TBL1XR1: variants seen among roughly 807,000 people sequenced by gnomAD.
TBL1XR1 encodes TBL1X/Y related 1, also known as F-box-like/WD repeat-containing protein TBL1XR1.
Under a neutral mutation model 66.9 loss-of-function variants are expected in TBL1XR1, and 5 were observed. The ratio of observed to expected loss-of-function variants is 0.07; its 90% CI spans 0.04 to 0.16. The LOEUF (loss-of-function observed/expected upper bound fraction) is 0.16, where lower values mean the gene tolerates loss of function less well. Among genes scored for constraint, TBL1XR1 ranks in the 10% least tolerant of loss-of-function variants. TBL1XR1 has a pLI of 1.00. For missense variants in TBL1XR1, 238 were observed against 623.2 expected (o/e 0.38, Z 6.58); for synonymous variants, 210 against 206.0 (o/e 1.02, Z -0.17).
At chr3:177,147,879 TG>T (rs1258138372) in intron 1 of TBL1XR1, among the ~76,000 whole-genome samples, 1 of 152,232 alleles carries the variant, frequency 6.6e-6, no homozygotes, top group Non-Finnish European at 1.5e-5. Context: ...TTGAATAATG[TG>T]ATCTACTATA....
intron 1 of TBL1XR1, among the ~76,000 whole-genome samples, chr3:177,149,490 G>A (rs1730634522): frequency 6.6e-6 from 1 of 152,038 alleles, no homozygotes. Context: ...GGTTTAAAAT[G>A]GCTAATTTAC....
At chr3:177,160,420 G>C (rs1157968290) in intron 1 of TBL1XR1, among the ~76,000 whole-genome samples, 1 of 150,912 alleles carries the variant, frequency 6.6e-6, no homozygotes, top group Non-Finnish European at 1.5e-5. Context: ...CTTGCAGTGA[G>C]CCAAGATTGC....
At position 177,174,101 on chromosome 3, in the gene TBL1XR1, T is replaced by C. The variant is rs186073895; in HGVS notation, c.-122+23020A>G. ...ATTCTCAAATAAGCATCTAATTTATTTATCCCTTGGTTAAGGTTATTATGA... is the reference window on the plus strand; with the variant it reads ...ATTCTCAAATAAGCATCTAATTTATCTATCCCTTGGTTAAGGTTATTATGA... On this transcript the variant is annotated intron_variant, in intron 1 of 15. Transcript: ENST00000457928. Among the ~76,000 whole-genome samples, 49 of 152,266 alleles carry C rather than the reference T, an allele frequency of 3.2e-4. 1 individual carries two copies. Among genetic ancestry groups the C allele is most frequent in the Admixed American group, 2.6e-3 (40 of 15,294 alleles).
intron 2 of TBL1XR1, among the ~76,000 whole-genome samples, chr3:177,075,625 A>T (rs996172129): frequency 1.3e-5 from 2 of 152,158 alleles, no homozygotes; most frequent in African/African-American, 4.8e-5. Context: ...ATGTTTCCCA[A>T]TCTAAATAGA....
intron 1 of TBL1XR1, among the ~76,000 whole-genome samples, chr3:177,166,938 C>T (rs1326520148): frequency 6.6e-6 from 1 of 152,198 alleles, no homozygotes; most frequent in African/African-American, 2.4e-5. Flanking sequence ...GACAGTTTAA[C>T]ACTTTCTTAC....
chr3:177,177,178 T>C (rs1734257333), intron 1 of TBL1XR1, among the ~76,000 whole-genome samples: 2 of 152,112 alleles, frequency 1.3e-5, no homozygotes, highest in African/African-American at 2.4e-5. Flanking sequence ...GTTTCTATCA[T>C]ATAACTAAAG....
intron 2 of TBL1XR1, among the ~76,000 whole-genome samples, chr3:177,074,857 T>C (rs530058980): frequency 3.9e-5 from 6 of 152,340 alleles, no homozygotes; most frequent in Admixed American, 2.0e-4. Flanking sequence ...ACTTGAGTAA[T>C]ATTAAGTACC....
intron 1 of TBL1XR1, among the ~76,000 whole-genome samples, chr3:177,113,667 T>C (rs1725933479): frequency 6.6e-6 from 1 of 151,986 alleles, no homozygotes; most frequent in Admixed American, 6.6e-5. Flanking sequence ...CCCATCTCTA[T>C]AAACAATTTA....
In TBL1XR1 at chr3:177,038,355, T is replaced by C; in HGVS notation, c.1005A>G (p.Lys335=). ...TTTTAATAGGTCTGTCTTGTCCTAA[T>C]TTACAGACATGAATGCACATATCTG... The part of the protein sequence containing the change: ...CSTDMCIHVC[K]LGQDRPIKTF... The change falls in exon 11 of 16, where the codon AAA becomes AAG. Residue 335 remains lysine (K), a synonymous_variant. Coordinates refer to ENST00000457928, the MANE Select transcript of TBL1XR1 (RefSeq NM_024665.7). The C allele has an allele frequency of 1.3e-6, 2 of 1,591,740 alleles. No individual in the cohort carries two copies. Among genetic ancestry groups the C allele is most frequent in the Non-Finnish European group, 1.7e-6 (2 of 1,167,488 alleles).
intron 1 of TBL1XR1, among the ~76,000 whole-genome samples, chr3:177,130,989 C>T (rs1728225185): frequency 6.6e-6 from 1 of 152,138 alleles, no homozygotes; most frequent in Admixed American, 6.5e-5. Flanking sequence ...TAGCAAGACC[C>T]TGTCTCTAAA....
At chr3:177,095,003 G>T (rs1030425151) in intron 2 of TBL1XR1, among the ~76,000 whole-genome samples, 2 of 150,290 alleles carry the variant, frequency 1.3e-5, no homozygotes, top group Non-Finnish European at 3.0e-5. Context: ...AAGAAAATGC[G>T]TTATATACAT....
chr3:177,047,904 T>C (rs1159949404), intron 7 of TBL1XR1: 1 of 208,992 alleles, frequency 4.8e-6, no homozygotes, highest in Non-Finnish European at 9.7e-6. Flanking sequence ...TTCATAGTCT[T>C]ACAATGATTT....
intron 1 of TBL1XR1, among the ~76,000 whole-genome samples, chr3:177,166,057 T>C (rs1560251598): frequency 6.6e-6 from 1 of 151,926 alleles, no homozygotes. Flanking sequence ...CTCACTGCAC[T>C]CCAGCCTGGG....
Position 177,161,521 on chromosome 3 carries a change from G to A in TBL1XR1, c.-122+35600C>T, listed in dbSNP as rs568274607. On this transcript the variant is annotated intron_variant, in intron 1 of 15. Transcript: ENST00000457928. Reference sequence around the variant, plus strand: ...TAATTGGCCAGGCGCGGTGGCTCACGCCTGTAATCCTAGCACTTTGGGAGG... The same window carrying A: ...TAATTGGCCAGGCGCGGTGGCTCACACCTGTAATCCTAGCACTTTGGGAGG... Among the ~76,000 whole-genome samples the A allele has an allele frequency of 1.8e-4, 28 of 152,214 alleles. No individual in the cohort carries two copies. In the South Asian group the frequency reaches 5.4e-3, roughly 29 times the overall value.
intron 1 of TBL1XR1, among the ~76,000 whole-genome samples, chr3:177,147,112 T>C (rs1032980240): frequency 7.9e-5 from 12 of 152,076 alleles, no homozygotes; most frequent in African/African-American, 2.7e-4. Flanking sequence ...AATGGCGTGA[T>C]TTTGGCTCAC....
Position 177,021,335 on chromosome 3 carries a change from C to T in TBL1XR1, c.*4163G>A, listed in dbSNP as rs75290429. The T allele has an allele frequency of 2.7e-5, 4 of 150,058 alleles. No individual in the cohort carries two copies. The South Asian group carries it at 6.3e-4, about 24-fold the overall frequency. The allele number at this position is 150,058 out of a possible 1,614,324, so 9.3% of individuals were successfully genotyped here. A position where few individuals can be genotyped will look rare whatever the true frequency, so the allele number is the denominator to read the frequency against. On this transcript the variant is annotated 3_prime_UTR_variant, in exon 16 of 16. Transcript: ENST00000457928. ...TGCAGAATGTTTTCCTGAACTTATCCGGAAATTCCAAAGAAAACATCATGA... is the reference window on the plus strand; with the variant it reads ...TGCAGAATGTTTTCCTGAACTTATCTGGAAATTCCAAAGAAAACATCATGA...
intron 2 of TBL1XR1, among the ~76,000 whole-genome samples, chr3:177,076,057 G>A (rs1282993452): frequency 2.0e-5 from 3 of 152,220 alleles, no homozygotes; most frequent in Non-Finnish European, 2.9e-5. Flanking sequence ...AGATCAAGGT[G>A]CCAGCAGATA....
At chr3:177,028,393 C>T (rs979846895) in intron 14 of TBL1XR1, among the ~76,000 whole-genome samples, 1 of 152,180 alleles carries the variant, frequency 6.6e-6, no homozygotes, top group African/African-American at 2.4e-5. Flanking sequence ...TCCATTAGCA[C>T]TCTACAGTTC....
At chr3:177,161,266 G>A (rs1016094798) in intron 1 of TBL1XR1, among the ~76,000 whole-genome samples, 7 of 152,200 alleles carry the variant, frequency 4.6e-5, no homozygotes, top group African/African-American at 1.7e-4. Flanking sequence ...TTTCCCATGT[G>A]TTTCTTTTAG....
Sources: gnomAD v4.1 joint callset for allele counts (sites outside exome capture counted in the v4.1 genomes callset) on GRCh38, gnomAD v4.1.1 for gene constraint, MANE v1.5 for transcripts, NCBI Gene and HGNC (gene_info 2026-07-23, HGNC 2026-07-21) for gene names.